PCDHGB1: variants seen among roughly 807,000 people sequenced by gnomAD.
PCDHGB1 encodes protocadherin gamma-B1.
In PCDHGB1, 34 loss-of-function variants were observed where a neutral mutation model predicts 56.6. The ratio of observed to expected loss-of-function variants is 0.60; its 90% CI spans 0.46 to 0.80. The LOEUF (loss-of-function observed/expected upper bound fraction) is 0.80, where lower values mean the gene tolerates loss of function less well. PCDHGB1 is among the 30% of genes least tolerant of loss of function. The probability of loss-of-function intolerance (pLI) is 0.00; values close to 1 mark genes in which losing one functional copy is unlikely to be tolerated. For missense variants in PCDHGB1, 1,278 were observed against 1,204.6 expected (o/e 1.06, Z -0.90); for synonymous variants, 561 against 505.9 (o/e 1.11, Z -1.46).
chr5:141,388,745 C>T lies in PCDHGB1; in HGVS notation c.2409+36076C>T, dbSNP rs1280615634. Reference sequence around the variant, plus strand: ...TCTCTTTCAGTGAAGCTAGCCAGATCACCCAATTTGACCTGAACTCTAACA... The same window carrying T: ...TCTCTTTCAGTGAAGCTAGCCAGATTACCCAATTTGACCTGAACTCTAACA... On this transcript the variant is annotated intron_variant, in intron 1 of 3. Coordinates refer to ENST00000523390, the MANE Select transcript of PCDHGB1 (RefSeq NM_018922.3). 3 of 1,614,024 alleles carry T rather than the reference C, an allele frequency of 1.9e-6. No individual in the cohort carries two copies. The Admixed American group carries it at 5.0e-5, about 27-fold the overall frequency.
rs1292946472 is a variant in PCDHGB1 at position 141,382,951 on chromosome 5, A to G, written c.2409+30282A>G. 2 of 1,600,898 alleles carry G rather than the reference A, an allele frequency of 1.2e-6. No homozygotes were observed. The highest frequency in any genetic ancestry group is 1.7e-6 in the Non-Finnish European group (2 of 1,171,390). On this transcript the variant is annotated intron_variant, in intron 1 of 3. Coordinates refer to ENST00000523390, the MANE Select transcript of PCDHGB1 (RefSeq NM_018922.3). ...CTACAGAGGATTCTTCCTGCTCTCCATCCTCCTGGGGACCCCCTGGGAAGC... is the reference window on the plus strand; with the variant it reads ...CTACAGAGGATTCTTCCTGCTCTCCGTCCTCCTGGGGACCCCCTGGGAAGC...
chr5:141,400,734 G>T, intron 1 of PCDHGB1: 1 of 634,546 alleles, frequency 1.6e-6, no homozygotes, highest in Non-Finnish European at 2.7e-6. Context: ...AAAGTAGTGA[G>T]AGTTTGCTCT....
intron 1 of PCDHGB1, among the ~76,000 whole-genome samples, chr5:141,382,019 G>T (rs1777875192): frequency 6.6e-6 from 1 of 151,628 alleles, no homozygotes; most frequent in South Asian, 2.1e-4. Flanking sequence ...AGTAGAGACG[G>T]GGTTTCTCCA....
intron 1 of PCDHGB1, chr5:141,404,337 C>T (rs766940096): frequency 5.0e-6 from 8 of 1,613,902 alleles, no homozygotes; most frequent in Admixed American, 1.7e-5. Flanking sequence ...GTCTACCTCC[C>T]GGAAAACAAC....
In PCDHGB1 at chr5:141,408,282, C is replaced by A. The variant is rs1045626164; in HGVS notation, c.2409+55613C>A. On this transcript the variant is annotated intron_variant, in intron 1 of 3. Transcript: ENST00000523390. ...CCTTTGCTGCTGCCTTTGTTCTACC[C>A]CACCCTGAGTGAGCCGATCCGCTAC... The A allele has an allele frequency of 5.0e-6, 8 of 1,612,846 alleles. No individual in the cohort carries two copies. The African/African-American group carries it at 1.1e-4, about 22-fold the overall frequency.
At chr5:141,441,005 C>T (rs772059231) in intron 1 of PCDHGB1, 1 of 152,116 alleles carries the variant, frequency 6.6e-6, no homozygotes, top group Non-Finnish European at 1.5e-5. Context: ...CTAGTTTGGC[C>T]TTGATCAAAT....
intron 1 of PCDHGB1, chr5:141,424,767 A>T (rs139479155): frequency 2.9e-4 from 44 of 152,290 alleles, no homozygotes; most frequent in African/African-American, 1.0e-3. Flanking sequence ...TTCTTATGGC[A>T]AATAGTACAT....
intron 1 of PCDHGB1, chr5:141,427,677 C>G: frequency 1.2e-6 from 1 of 816,672 alleles, no homozygotes; most frequent in Non-Finnish European, 2.1e-6. Context: ...AAACAACCTT[C>G]CCGGAGCCTC....
In PCDHGB1 at chr5:141,510,929, C is replaced by T. The variant is rs1238694958; in HGVS notation, c.2558-18C>T. The T allele has an allele frequency of 3.1e-6, 5 of 1,613,988 alleles. No homozygotes were observed. The highest frequency in any genetic ancestry group is 4.2e-6 in the Non-Finnish European group (5 of 1,179,988). On this transcript the variant is annotated intron_variant, in intron 3 of 3. Coordinates refer to ENST00000523390, the MANE Select transcript of PCDHGB1 (RefSeq NM_018922.3). ...ACCCTAAGTTTAGCTCCCACCTGAT[C>T]TTCCTCTGTCTCTGCAGAAGCTGCT...
At chr5:141,409,423 T>C in intron 1 of PCDHGB1, 1 of 1,614,026 alleles carries the variant, frequency 6.2e-7, no homozygotes. Flanking sequence ...TGGTGACAGA[T>C]GGAGCCCTGG....
chr5:141,365,181 A>T lies in PCDHGB1; in HGVS notation c.2409+12512A>T, dbSNP rs549713754. ...AAATTGACCTACTCTTTTCGCAATG[A>T]AGAAGAAAAAATTTCGGAGACTTTC... On this transcript the variant is annotated intron_variant, in intron 1 of 3. Transcript: ENST00000523390. The T allele has an allele frequency of 3.0e-5, 48 of 1,613,864 alleles. No homozygotes were observed. The East Asian group carries it at 1.0e-3, about 35-fold the overall frequency.
chr5:141,462,375 T>G (rs2099038282), intron 1 of PCDHGB1, among the ~76,000 whole-genome samples: 1 of 152,252 alleles, frequency 6.6e-6, no homozygotes, highest in Non-Finnish European at 1.5e-5. Context: ...TTCTATTCTT[T>G]TAAATTCGTT....
chr5:141,403,707 T>C (rs2094445205), intron 1 of PCDHGB1: 2 of 1,613,778 alleles, frequency 1.2e-6, no homozygotes, highest in African/African-American at 2.7e-5. Flanking sequence ...GTTAAAGTCC[T>C]TGAGAACGTG....
At position 141,493,887 on chromosome 5, in the gene PCDHGB1, G is replaced by C. The variant is rs760575047; in HGVS notation, c.2410-920G>C. On this transcript the variant is annotated intron_variant, in intron 1 of 3. Transcript: ENST00000523390. This position sits in a 1 kb window ranked among gnomAD's most constrained non-coding sequence, Gnocchi z 4.3. Reference sequence around the variant, plus strand: ...AGAACCAGTGAGGAGGTGGCTCTAGGAGTGCTCCATGAGAGTGTGTGATGG... The same window carrying C: ...AGAACCAGTGAGGAGGTGGCTCTAGCAGTGCTCCATGAGAGTGTGTGATGG... Among the ~76,000 whole-genome samples, 11 of 152,184 alleles carry C rather than the reference G, an allele frequency of 7.2e-5. No homozygotes were observed. Among genetic ancestry groups the C allele is most frequent in the Non-Finnish European group, 1.2e-4 (8 of 68,026 alleles).
intron 1 of PCDHGB1, chr5:141,388,157 C>T (rs750936402): frequency 1.4e-6 from 2 of 1,469,104 alleles, no homozygotes; most frequent in Non-Finnish European, 1.9e-6. Flanking sequence ...GCAGGCTAGA[C>T]AGGGAGGAGA....
rs537684458 is a variant in PCDHGB1, at chr5:141,431,679, T to G, written c.2410-63128T>G. The G allele has an allele frequency of 1.5e-5, 24 of 1,614,222 alleles. No individual in the cohort carries two copies. The highest frequency in any genetic ancestry group is 3.3e-5 in the Admixed American group (2 of 60,028). On this transcript the variant is annotated intron_variant, in intron 1 of 3. Coordinates refer to ENST00000523390, the MANE Select transcript of PCDHGB1 (RefSeq NM_018922.3). The surrounding 1 kb of genome is among the most constrained non-coding windows in gnomAD (Gnocchi z 4.8). ...GGGACAATATCAACAATAGGGGAGT[T>G]GGACCACGAGGAGTCAGGATTCTAC...
In PCDHGB1 at chr5:141,476,718, C is replaced by T; in HGVS notation, c.2410-18089C>T. On this transcript the variant is annotated intron_variant, in intron 1 of 3. Transcript: ENST00000523390. The surrounding 1 kb of genome is among the most constrained non-coding windows in gnomAD (Gnocchi z 7.6). ...TACGCGGAGCTGGTGTTGGAGCGCG[C>T]CCTGGACCGAGAACGGGAGCCTAGT... The T allele has an allele frequency of 1.2e-6, 2 of 1,614,144 alleles. No individual in the cohort carries two copies. The highest frequency in any genetic ancestry group is 2.2e-5 in the East Asian group (1 of 44,874).
In PCDHGB1 at chr5:141,485,972, T is replaced by G; in HGVS notation, c.2410-8835T>G. ...CATGGTGCTCATCCAGCTCAATGCC[T>G]CAGACCCGGACCTGGGTCCCAGTGG... On this transcript the variant is annotated intron_variant, in intron 1 of 3. Transcript: ENST00000523390. The surrounding 1 kb of genome is among the most constrained non-coding windows in gnomAD (Gnocchi z 5.7). 1 of 1,614,184 alleles carries G rather than the reference T, an allele frequency of 6.2e-7. No individual in the cohort carries two copies. Among genetic ancestry groups the G allele is most frequent in the Non-Finnish European group, 8.5e-7 (1 of 1,180,022 alleles).
intron 1 of PCDHGB1, chr5:141,405,524 A>T (rs1430059160): frequency 7.4e-6 from 5 of 677,158 alleles, no homozygotes; most frequent in Non-Finnish European, 1.2e-5. Context: ...AATTCAAGCG[A>T]TTCTCCTGCC....
Sources: gnomAD v4.1 joint callset for allele counts (sites outside exome capture counted in the v4.1 genomes callset) on GRCh38, gnomAD v4.1.1 for gene constraint, Gnocchi (gnomAD v3.1) non-coding constraint, MANE v1.5 for transcripts, NCBI Gene and HGNC (gene_info 2026-07-23, HGNC 2026-07-21) for gene names.